Variants in DPP6 observed in about 807,000 individuals in gnomAD.
The protein encoded by DPP6 is dipeptidyl peptidase like 6.
A neutral mutation model predicts 122.6 loss-of-function variants in DPP6; 69 were observed. The ratio of observed to expected loss-of-function variants is 0.56; its 90% CI spans 0.46 to 0.69. The LOEUF (loss-of-function observed/expected upper bound fraction) is 0.69. Ranked by LOEUF, DPP6 falls within the 30% of genes least tolerant of loss-of-function variation. The pLI, the probability that DPP6 is intolerant of heterozygous loss-of-function variation, is 0.00. For missense variants in DPP6, 928 were observed against 1,116.9 expected (o/e 0.83, Z 2.41); for synonymous variants, 418 against 433.1 (o/e 0.97, Z 0.43).
chr7:154,313,687 A>G (rs189409790), intron 1 of DPP6, among the ~76,000 whole-genome samples: 8,962 of 21,374 alleles, frequency 0.42, 2,164 homozygotes, highest in East Asian at 0.61. Flanking sequence ...AAGATATGGT[A>G]TATATATATA....
intron 2 of DPP6, among the ~76,000 whole-genome samples, chr7:154,453,760 A>G (rs1820591975): frequency 6.6e-6 from 1 of 152,002 alleles, no homozygotes; most frequent in African/African-American, 2.4e-5. Flanking sequence ...ATGAGTTTTT[A>G]TATTCTTTGC....
intron 4 of DPP6, among the ~76,000 whole-genome samples, chr7:154,551,403 C>T (rs1329327260): frequency 3.9e-5 from 6 of 152,132 alleles, no homozygotes. Flanking sequence ...GATGATTGCT[C>T]TGAGCTCAAG....
Position 154,278,192 on chromosome 7 carries a change from TGA to T in DPP6, c.244-168018_244-168017del, listed in dbSNP as rs549311428. Among the ~76,000 whole-genome samples the T allele has an allele frequency of 1.1e-4, 17 of 152,272 alleles. No individual in the cohort carries two copies. In the South Asian group the frequency reaches 3.5e-3, roughly 32 times the overall value. ...AACAACTTACAACTCCACAGTAAGTTGAGAGGAGTCCCGACTCCATGCTGTAT... is the reference window on the plus strand; with the variant it reads ...AACAACTTACAACTCCACAGTAAGTTGAGGAGTCCCGACTCCATGCTGTAT... On this transcript the variant is annotated intron_variant, in intron 1 of 25. Coordinates refer to ENST00000377770, the MANE Select transcript of DPP6 (RefSeq NM_130797.4).
At chr7:154,580,829 G>A (rs752323458) in intron 5 of DPP6, among the ~76,000 whole-genome samples, 1 of 152,166 alleles carries the variant, frequency 6.6e-6, no homozygotes, top group Non-Finnish European at 1.5e-5. Context: ...CCTGCAGCGA[G>A]CATCAGCGAG....
intron 8 of DPP6, among the ~76,000 whole-genome samples, chr7:154,739,049 G>A (rs1270989921): frequency 3.3e-5 from 5 of 152,280 alleles, no homozygotes; most frequent in Non-Finnish European, 5.9e-5. Flanking sequence ...GTCCTCTTAG[G>A]CATCGCAGCC....
chr7:153,852,815 C>T, the DPP6 span, among the ~76,000 whole-genome samples: 1 of 152,190 alleles, frequency 6.6e-6, no homozygotes, highest in Non-Finnish European at 1.5e-5. Context: ...AATCGCATTG[C>T]ACTTTTTTCA....
chr7:154,334,950 G>T (rs1265081187), intron 1 of DPP6, among the ~76,000 whole-genome samples: 2 of 152,096 alleles, frequency 1.3e-5, no homozygotes, highest in East Asian at 3.8e-4. Flanking sequence ...TTGTATTCAA[G>T]CCAAGCTTAT....
At chr7:154,127,382 C>A (rs1261206608) in intron 1 of DPP6, among the ~76,000 whole-genome samples, 1 of 152,086 alleles carries the variant, frequency 6.6e-6, no homozygotes, top group Non-Finnish European at 1.5e-5. Context: ...AGATTAAAAT[C>A]TGTGGTGAGG....
chr7:154,828,121 C>T (rs1171605305), intron 16 of DPP6, among the ~76,000 whole-genome samples: 1 of 152,056 alleles, frequency 6.6e-6, no homozygotes, highest in Non-Finnish European at 1.5e-5. Context: ...TAGGAGTGCG[C>T]CTGTGTGAAT....
intron 3 of DPP6, among the ~76,000 whole-genome samples, chr7:154,487,375 A>C (rs2151380949): frequency 6.6e-6 from 1 of 151,996 alleles, no homozygotes; most frequent in East Asian, 1.9e-4. Context: ...CCATCCTCCT[A>C]CCTAATAGAG....
intron 8 of DPP6, 55 bp downstream of exon 8, chr7:154,727,942 A>C (rs1842149724): frequency 6.6e-7 from 1 of 1,512,236 alleles, no homozygotes; most frequent in Non-Finnish European, 8.9e-7. Context: ...CTGCTGCTAC[A>C]TTGGAGTTGG....
intron 4 of DPP6, among the ~76,000 whole-genome samples, chr7:154,557,008 G>A (rs1418551871): frequency 6.6e-6 from 1 of 152,154 alleles, no homozygotes; most frequent in Non-Finnish European, 1.5e-5. Flanking sequence ...AGGATCCCTT[G>A]AATTTGTAAC....
intron 1 of DPP6, among the ~76,000 whole-genome samples, chr7:154,275,834 C>G (rs1804092443): frequency 6.6e-6 from 1 of 152,194 alleles, no homozygotes; most frequent in South Asian, 2.1e-4. Flanking sequence ...ACTTAATGGC[C>G]AAGAAGCCAG....
chr7:154,361,806 G>A (rs1358448198), intron 1 of DPP6, among the ~76,000 whole-genome samples: 2 of 152,222 alleles, frequency 1.3e-5, no homozygotes, highest in Admixed American at 6.5e-5. Context: ...TTATGAAGGA[G>A]GCATTATCAT....
chr7:154,891,945 G>T lies in DPP6; in HGVS notation c.2452-389G>T, dbSNP rs538204047. Among the ~76,000 whole-genome samples, 27 of 152,252 alleles carry T rather than the reference G, an allele frequency of 1.8e-4. 1 individual carries two copies. On this transcript the variant is annotated intron_variant, in intron 25 of 25. Coordinates refer to ENST00000377770, the MANE Select transcript of DPP6 (RefSeq NM_130797.4). ...CTGTAGTCCCTAAGCTTGTATCCAT[G>T]TTGCAAATTCAAGCAAGCAGATCCG...
chr7:154,136,347 C>T (rs1350389504), intron 1 of DPP6, among the ~76,000 whole-genome samples: 1 of 152,080 alleles, frequency 6.6e-6, no homozygotes, highest in East Asian at 1.9e-4. Flanking sequence ...CCAAATGTTC[C>T]CTAACTGAAA....
chr7:153,780,847 A>C, the DPP6 span, among the ~76,000 whole-genome samples: 1 of 152,184 alleles, frequency 6.6e-6, no homozygotes, highest in Non-Finnish European at 1.5e-5. Flanking sequence ...TTGGATTATA[A>C]CACAAACATG....
At chr7:154,160,510 C>T (rs3115183) in intron 1 of DPP6, among the ~76,000 whole-genome samples, 1,632 of 152,196 alleles carry the variant, frequency 0.011, 36 homozygotes, top group African/African-American at 0.036. Context: ...ACAACTATCA[C>T]GGAAAGTTCA....
chr7:154,794,804 C>T (rs141646926), intron 11 of DPP6, among the ~76,000 whole-genome samples: 1,611 of 151,072 alleles, frequency 0.011, 41 homozygotes, highest in African/African-American at 0.037. Context: ...ACCCTCGCCC[C>T]ATGGGATGGG....
Sources: gnomAD v4.1 joint callset for allele counts (sites outside exome capture counted in the v4.1 genomes callset) on GRCh38, gnomAD v4.1.1 for gene constraint, MANE v1.5 for transcripts, NCBI Gene and HGNC (gene_info 2026-07-23, HGNC 2026-07-21) for gene names.